The following JMJD1C variants were observed in gnomAD, a reference collection of about 807,000 sequenced individuals.
The protein encoded by JMJD1C is jumonji domain containing 1C.
Under a neutral mutation model 245.3 loss-of-function variants are expected in JMJD1C, and 31 were observed. The observed-to-expected ratio is 0.13, with a 90% confidence interval of 0.09 to 0.17. The LOEUF (loss-of-function observed/expected upper bound fraction) is 0.17, where lower values mean the gene tolerates loss of function less well. Ranked by LOEUF, JMJD1C falls within the 10% of genes least tolerant of loss-of-function variation. JMJD1C has a pLI of 1.00. For synonymous variants in JMJD1C, 1,057 were observed against 1,017.4 expected (o/e 1.04, Z -0.74); for missense variants, 2,691 against 3,000.2 (o/e 0.90, Z 2.41).
intron 2 of JMJD1C, among the ~76,000 whole-genome samples, chr10:63,362,545 T>C (rs927384284): frequency 1.3e-5 from 2 of 152,006 alleles, no homozygotes; most frequent in Non-Finnish European, 1.5e-5. Context: ...AGTGGCACAA[T>C]GACAGCTCAC....
At chr10:63,223,332 A>G (rs1332517263) in intron 3 of JMJD1C, among the ~76,000 whole-genome samples, 10 of 150,152 alleles carry the variant, frequency 6.7e-5, no homozygotes, top group Non-Finnish European at 1.5e-5. Context: ...AGTTCAAGCG[A>G]TTCTCCTGCC....
intron 3 of JMJD1C, among the ~76,000 whole-genome samples, chr10:63,249,923 A>G (rs1852819474): frequency 6.6e-6 from 1 of 152,138 alleles, no homozygotes; most frequent in African/African-American, 2.4e-5. Context: ...CATCCCAATT[A>G]CAATGATTTG....
At chr10:63,462,968 T>C (rs368047242) in intron 1 of JMJD1C, among the ~76,000 whole-genome samples, 1 of 152,090 alleles carries the variant, frequency 6.6e-6, no homozygotes, top group African/African-American at 2.4e-5. Flanking sequence ...AGACACAATA[T>C]TCCCTCAACT....
chr10:63,174,726 C>T (rs1449967756), intron 24 of JMJD1C, among the ~76,000 whole-genome samples: 3 of 151,928 alleles, frequency 2.0e-5, no homozygotes, highest in Non-Finnish European at 4.4e-5. Context: ...CGCAGCTACT[C>T]GGGAGGCTGA....
At chr10:63,419,863 C>T (rs960567392) in intron 1 of JMJD1C, among the ~76,000 whole-genome samples, 4 of 147,348 alleles carry the variant, frequency 2.7e-5, no homozygotes, top group South Asian at 2.2e-4. Flanking sequence ...AAAGGCCAGG[C>T]GCGGTGGCTC....
rs535581470 is a variant in JMJD1C, at chr10:63,204,329, A to G, written c.5074+2266T>C. On this transcript the variant is annotated intron_variant, in intron 10 of 25. Transcript: ENST00000399262. ...TTGACTAAACATTACAACCTGGGGGAAAAAAAGGCACTCATTCTGGCCCTT... is the reference window on the plus strand; with the variant it reads ...TTGACTAAACATTACAACCTGGGGGGAAAAAAGGCACTCATTCTGGCCCTT... 76 of 984,526 alleles carry G rather than the reference A, an allele frequency of 7.7e-5. No homozygotes were observed. In the South Asian group the frequency reaches 1.7e-3, roughly 22 times the overall value. The allele number at this position is 984,526 out of a possible 1,614,324, so 61.0% of individuals were successfully genotyped here.
chr10:63,477,495 A>G (rs781649211), intron 1 of JMJD1C, among the ~76,000 whole-genome samples: 8 of 151,956 alleles, frequency 5.3e-5, no homozygotes, highest in Non-Finnish European at 1.0e-4. Context: ...ATGCAATTCA[A>G]CAGAGAAAGG....
At chr10:63,218,427 G>A (rs188178125) in intron 4 of JMJD1C, among the ~76,000 whole-genome samples, 10 of 152,114 alleles carry the variant, frequency 6.6e-5, no homozygotes, top group East Asian at 5.8e-4. Context: ...GAGGTGATGC[G>A]TAAACACTGT....
chr10:63,411,438 A>G (rs1222921050), intron 1 of JMJD1C, among the ~76,000 whole-genome samples: 1 of 151,584 alleles, frequency 6.6e-6, no homozygotes, highest in Non-Finnish European at 1.5e-5. Flanking sequence ...AGCTGGGATT[A>G]CAGGTGCCCA....
intron 1 of JMJD1C, among the ~76,000 whole-genome samples, chr10:63,488,518 C>G (rs1954068011): frequency 7.4e-6 from 1 of 134,982 alleles, no homozygotes; most frequent in African/African-American, 2.8e-5. Context: ...AGGTTCTTTT[C>G]AAAATGAGTT....
chr10:63,264,388 T>A (rs1018986951), intron 3 of JMJD1C, among the ~76,000 whole-genome samples: 1 of 152,214 alleles, frequency 6.6e-6, no homozygotes, highest in Non-Finnish European at 1.5e-5. Flanking sequence ...TTATTTAGAA[T>A]GTCAGATACT....
At chr10:63,422,288 T>C (rs1250543380) in intron 1 of JMJD1C, among the ~76,000 whole-genome samples, 1 of 152,140 alleles carries the variant, frequency 6.6e-6, no homozygotes, top group Non-Finnish European at 1.5e-5. Context: ...GGTGTGCGCC[T>C]GTAATCCCAG....
chr10:63,422,310 G>A (rs1316741926), intron 1 of JMJD1C, among the ~76,000 whole-genome samples: 1 of 152,186 alleles, frequency 6.6e-6, no homozygotes, highest in Non-Finnish European at 1.5e-5. Context: ...TACTTGGGAG[G>A]CTGAGGCAGG....
Position 63,213,560 on chromosome 10 carries a change from T to C in JMJD1C, c.2607A>G (p.Gly869=). 6.2e-7 allele frequency: 1 copy of C among 1,614,000 alleles called. No homozygotes were observed. The highest frequency in any genetic ancestry group is 8.5e-7 in the Non-Finnish European group (1 of 1,179,842). ...AACCAAGTCCTGAGTATGCATGTGT[T>C]CCATTTGGATACTGCCAAATAATTG... ...LYPIIWQYPN[G]THAYSGLGLP... is the part of the protein sequence containing the mutation. The change falls in exon 8 of 26, where the codon GGA becomes GGG. Residue 869 remains glycine (G), a synonymous_variant. Transcript: ENST00000399262.
At chr10:63,437,371 C>A (rs1176707163) in intron 1 of JMJD1C, among the ~76,000 whole-genome samples, 1 of 152,158 alleles carries the variant, frequency 6.6e-6, no homozygotes, top group African/African-American at 2.4e-5. Context: ...CAGATTTCCA[C>A]AAGCTCTTAC....
At chr10:63,477,438 A>G (rs1294346418) in intron 1 of JMJD1C, among the ~76,000 whole-genome samples, 1 of 152,158 alleles carries the variant, frequency 6.6e-6, no homozygotes, top group African/African-American at 2.4e-5. Context: ...GAGTCCAGAA[A>G]TAGACCCATA....
intron 1 of JMJD1C, among the ~76,000 whole-genome samples, chr10:63,505,535 T>C (rs1954691748): frequency 6.6e-6 from 1 of 152,090 alleles, no homozygotes; most frequent in South Asian, 2.1e-4. Flanking sequence ...TTCACAACTT[T>C]AGAGTCTGTT....
chr10:63,244,817 A>AG (rs370952932), intron 3 of JMJD1C, among the ~76,000 whole-genome samples: 6,117 of 50,282 alleles, frequency 0.12, 241 homozygotes, highest in East Asian at 0.42. Flanking sequence ...TTAAAAAAAA[A>AG]GGGGGGGGGA....
chr10:63,517,350 T>C (rs1322455462), intron 1 of JMJD1C, among the ~76,000 whole-genome samples: 4 of 152,230 alleles, frequency 2.6e-5, no homozygotes, highest in African/African-American at 7.2e-5. Context: ...GAGAAACCAA[T>C]GCTTTTAACA....
Sources: allele counts gnomAD v4.1 joint callset (sites outside exome capture counted in the v4.1 genomes callset), GRCh38; gene constraint gnomAD v4.1.1; transcripts MANE v1.5; gene names NCBI Gene and HGNC (gene_info 2026-07-23, HGNC 2026-07-21).